Variants in RNF17 observed in about 807,000 individuals in gnomAD.
RNF17 encodes the protein ring finger protein 17, also known as spermatogenesis associated 23.
A neutral mutation model predicts 200.5 loss-of-function variants in RNF17; 31 were observed. The observed-to-expected ratio is 0.15, with a 90% CI of 0.12 to 0.21. The LOEUF (loss-of-function observed/expected upper bound fraction) is 0.21. Among genes scored for constraint, RNF17 ranks in the 10% least tolerant of loss-of-function variants. RNF17 has a pLI of 1.00. For synonymous variants in RNF17, 606 were observed against 637.8 expected (o/e 0.95, Z 0.75); for missense variants, 1,628 against 1,905.1 (o/e 0.85, Z 2.71).
At chr13:24,879,163 G>GA in intron 34 of RNF17, 24 bp from the exon 35 acceptor site, 4 of 1,565,152 alleles carry the variant, frequency 2.6e-6, no homozygotes, top group Non-Finnish European at 3.5e-6. Context: ...CTGTTTTCTT[G>GA]ACAACTGTAT....
downstream of RNF17, chr13:24,883,472 C>T (rs1184231274): frequency 3.6e-6 from 3 of 842,178 alleles, no homozygotes; most frequent in African/African-American, 5.2e-5. Flanking sequence ...GCAGCTACTT[C>T]TGGAGACATC....
chr13:24,752,942 G>A, the RNF17 span, among the ~76,000 whole-genome samples: 9 of 151,972 alleles, frequency 5.9e-5, no homozygotes, highest in East Asian at 1.2e-3. Flanking sequence ...ACCCTCCCTC[G>A]TTAGCCCCCA....
At chr13:24,764,707 C>T (rs1879333755) in intron 1 of RNF17, among the ~76,000 whole-genome samples, 3 of 152,152 alleles carry the variant, frequency 2.0e-5, no homozygotes, top group Non-Finnish European at 4.4e-5. Flanking sequence ...ACTTGATTTT[C>T]TCCTGTAGTT....
chr13:24,842,353 C>T (rs1169977575), intron 19 of RNF17, among the ~76,000 whole-genome samples, 192 bp downstream of exon 19: 1 of 152,120 alleles, frequency 6.6e-6, no homozygotes, highest in Non-Finnish European at 1.5e-5. Flanking sequence ...TGACTTTTCC[C>T]TCCATTACTA....
intron 6 of RNF17, 55 bp downstream of exon 6, chr13:24,781,999 G>T: frequency 9.2e-7 from 1 of 1,086,522 alleles, no homozygotes. Flanking sequence ...ACACTAACTT[G>T]TCATTGTATT....
At chr13:24,844,854 T>C in intron 21 of RNF17, 52 bp downstream of exon 21, 6 of 1,584,218 alleles carry the variant, frequency 3.8e-6, no homozygotes, top group Non-Finnish European at 5.2e-6. Context: ...ATGCATTTTG[T>C]ATTTTTTTCC....
In RNF17 at chr13:24,843,864, G is replaced by T; in HGVS notation, c.2724G>T (p.Glu908Asp). The change falls in exon 20 of 36, where the codon GAG becomes GAT. Residue 908 changes from glutamate to aspartate, a missense_variant. By Grantham distance (45) the Glu-to-Asp change is conservative. Coordinates refer to ENST00000255324, the MANE Select transcript of RNF17 (RefSeq NM_031277.3). ...NPVSAKSLPN[E>D]NFQSLYNKEL... The stretch of plus-strand genomic sequence containing the variant: ...TGTCTGCAAAATCTCTACCTAATGA[G>T]AATTTTCAGTCACTTTATAATAAGG... 3 of 1,603,958 alleles carry T rather than the reference G, an allele frequency of 1.9e-6. No homozygotes were observed. The highest frequency in any genetic ancestry group is 2.6e-6 in the Non-Finnish European group (3 of 1,171,870).
intron 17 of RNF17, among the ~76,000 whole-genome samples, chr13:24,831,130 A>G (rs1156418018): frequency 1.3e-5 from 2 of 152,188 alleles, no homozygotes; most frequent in Non-Finnish European, 2.9e-5. Context: ...GTAGTATTAT[A>G]GAAAAAAATT....
At chr13:24,806,880 T>C (rs1022365357) in intron 15 of RNF17, among the ~76,000 whole-genome samples, 27 of 148,502 alleles carry the variant, frequency 1.8e-4, no homozygotes, top group Admixed American at 1.8e-3. Flanking sequence ...TTCCCACCTA[T>C]GAGTAAGAAT....
the RNF17 span, chr13:24,886,102 C>T: frequency 1.5e-5 from 6 of 387,532 alleles, no homozygotes; most frequent in Middle Eastern, 8.9e-4. Context: ...ACATACTGTA[C>T]CAGCAACATA....
the RNF17 span, among the ~76,000 whole-genome samples, chr13:24,756,151 G>A: frequency 7.9e-5 from 12 of 151,964 alleles, no homozygotes; most frequent in African/African-American, 2.7e-4. Flanking sequence ...ACTTTTGATT[G>A]GTAAAGTCAC....
intron 32 of RNF17, among the ~76,000 whole-genome samples, chr13:24,873,133 C>T (rs1276246777): frequency 2.6e-5 from 4 of 152,118 alleles, no homozygotes; most frequent in African/African-American, 9.7e-5. Context: ...AAGGCAGGAA[C>T]AGCAAATATT....
rs1389217696 is a variant in RNF17 at position 24,794,607 on chromosome 13, G to A, written c.1240+1261G>A. 6.6e-5 allele frequency among the ~76,000 whole-genome samples: 10 copies of A among 152,156 alleles called. No homozygotes were observed. The South Asian group carries it at 8.3e-4, about 13-fold the overall frequency. On this transcript the variant is annotated intron_variant, in intron 10 of 35. Transcript: ENST00000255324. The stretch of plus-strand genomic sequence containing the variant: ...GGAGGATCACTTGAGCCTGGGAGGC[G>A]GAGGTAGCAATGAGCTGAGATCCCA...
At chr13:24,800,647 A>G (rs1486228188) in intron 13 of RNF17, 113 bp downstream of exon 13, 15 of 737,970 alleles carry the variant, frequency 2.0e-5, no homozygotes, top group Non-Finnish European at 2.8e-5. Flanking sequence ...TGATAAATAC[A>G]TAGTGCATAT....
Position 24,823,517 on chromosome 13 carries a change from A to G in RNF17, c.2092-2102A>G, listed in dbSNP as rs11840007. On this transcript the variant is annotated intron_variant, in intron 15 of 35. Transcript: ENST00000255324. ...AGCTAATGATTGACAGAGTTCCTTG[A>G]ATGTCAGGAGCTGAAACAAAGAAGA... is the stretch of plus-strand genomic sequence containing the variant. 2.8e-3 allele frequency among the ~76,000 whole-genome samples: 415 copies of G among 149,616 alleles called. 5 individuals are homozygous for G. Among genetic ancestry groups the G allele is most frequent in the African/African-American group, 9.7e-3 (400 of 41,270 alleles).
Position 24,793,234 on chromosome 13 carries a change from C to A in RNF17, c.1128C>A (p.Phe376Leu), listed in dbSNP as rs1219113445. Residue 376 changes from phenylalanine to leucine, a missense_variant, in exon 10 of 36, where the codon TTC (phenylalanine) becomes TTA (leucine). Coordinates refer to ENST00000255324, the MANE Select transcript of RNF17 (RefSeq NM_031277.3). ...ATGTACATTTAGAAGCAAAAAACTT[C>A]CAGCCACAGAAAGACGTTGCAACAG... is the stretch of plus-strand genomic sequence containing the variant. ...TNDVHLEAKNFQPQKDVATAS... is the reference protein window; with the variant it reads ...TNDVHLEAKNLQPQKDVATAS... The A allele has an allele frequency of 1.9e-6, 3 of 1,613,964 alleles. No individual in the cohort carries two copies. The African/African-American group carries it at 4.0e-5, about 22-fold the overall frequency.
chr13:24,853,845 G>T lies in RNF17; in HGVS notation c.3321-10G>T, dbSNP rs1382838230. The T allele has an allele frequency of 2.5e-6, 4 of 1,571,598 alleles. No homozygotes were observed. Among genetic ancestry groups the T allele is most frequent in the Admixed American group, 3.8e-5 (2 of 52,476 alleles). ...TTATGTTTAGATGTGTTCTTTTTTG[G>T]ATGTTACAGAATTAATAACTTAGAT... is the stretch of plus-strand genomic sequence containing the variant. On this transcript the variant is annotated splice_polypyrimidine_tract_variant and intron_variant, in intron 24 of 35. Transcript: ENST00000255324.
the RNF17 span, among the ~76,000 whole-genome samples, chr13:24,758,664 C>T: frequency 1.3e-5 from 2 of 152,146 alleles, no homozygotes; most frequent in Non-Finnish European, 2.9e-5. Flanking sequence ...TATATTGTAT[C>T]TCTGAGTTCT....
intron 22 of RNF17, among the ~76,000 whole-genome samples, chr13:24,850,081 C>T (rs914134333): frequency 4.0e-5 from 6 of 151,648 alleles, no homozygotes; most frequent in African/African-American, 1.2e-4. Flanking sequence ...TACAGCTCCT[C>T]AATGTAGCTG....
Sources: allele counts gnomAD v4.1 joint callset (sites outside exome capture counted in the v4.1 genomes callset), GRCh38; gene constraint gnomAD v4.1.1; transcripts MANE v1.5; gene names NCBI Gene and HGNC (gene_info 2026-07-23, HGNC 2026-07-21).